The following GRM5 variants were observed in gnomAD, a reference collection of about 807,000 sequenced individuals.
GRM5 encodes the protein metabotropic glutamate receptor 5.
GRM5 carries 19 observed loss-of-function variants against 83.1 expected under a neutral mutation model. The observed-to-expected ratio is 0.23, with a 90% CI of 0.16 to 0.34. The LOEUF is 0.34. Ranked by LOEUF, GRM5 falls within the 10% of genes least tolerant of loss-of-function variation. GRM5 has a pLI of 1.00. For missense variants in GRM5, 1,160 were observed against 1,588.3 expected, an observed-to-expected ratio of 0.73 and a Z score of 4.58; for synonymous variants, 675 against 633.6, an observed-to-expected ratio of 1.07 and a Z score of -0.98.
Position 88,657,259 on chromosome 11 carries a change from C to G in GRM5, c.912-3856G>C, listed in dbSNP as rs546921914. 3.0e-3 allele frequency among the ~76,000 whole-genome samples: 450 copies of G among 152,204 alleles called. 1 individual carries two copies. Among genetic ancestry groups the G allele is most frequent in the Non-Finnish European group, 3.9e-3 (267 of 68,006 alleles). ...TTATTCACTAATTTACTGTTTGCTG[C>G]ATGTTTATAGAACATTACTGTGAAT... On this transcript the variant is annotated intron_variant, in intron 3 of 9. Transcript: ENST00000305447.
At chr11:88,656,919 G>A in intron 3 of GRM5, among the ~76,000 whole-genome samples, 1 of 152,082 alleles carries the variant, frequency 6.6e-6, no homozygotes, top group East Asian at 1.9e-4. Flanking sequence ...AAGCTACCTG[G>A]TATAAGAGAC....
chr11:88,768,424 G>A (rs1224523577), intron 3 of GRM5, among the ~76,000 whole-genome samples: 4 of 151,898 alleles, frequency 2.6e-5, no homozygotes, highest in African/African-American at 9.7e-5. Flanking sequence ...TAGAATGGTG[G>A]TTACCAGACG....
At position 89,064,085 on chromosome 11, in the gene GRM5, T is replaced by A. The variant is rs780381121; in HGVS notation, c.-201+1691A>T. Among the ~76,000 whole-genome samples, 45 of 152,140 alleles carry A rather than the reference T, an allele frequency of 3.0e-4. 1 individual carries two copies. Among genetic ancestry groups the A allele is most frequent in the Admixed American group, 3.3e-4 (5 of 15,280 alleles). ...AGACATCCTTGTCTCAGGGGGAATA[T>A]CCATTATCTTCTTCTTCCTAACCCC... is the stretch of plus-strand genomic sequence containing the variant. On this transcript the variant is annotated intron_variant, in intron 1 of 9. Transcript: ENST00000305447.
At chr11:88,982,823 T>C (rs977995529) in intron 2 of GRM5, among the ~76,000 whole-genome samples, 2 of 152,160 alleles carry the variant, frequency 1.3e-5, no homozygotes, top group Non-Finnish European at 2.9e-5. Flanking sequence ...TCCCAGCATT[T>C]TGGGAGGCCG....
At chr11:89,060,358 A>G (rs1941967023) in intron 1 of GRM5, among the ~76,000 whole-genome samples, 1 of 151,998 alleles carries the variant, frequency 6.6e-6, no homozygotes, top group African/African-American at 2.4e-5. Flanking sequence ...GGGATGGGTT[A>G]TGGCAGTACA....
intron 2 of GRM5, among the ~76,000 whole-genome samples, chr11:88,998,564 C>G (rs1332387901): frequency 1.3e-5 from 2 of 152,098 alleles, no homozygotes; most frequent in Non-Finnish European, 1.5e-5. Context: ...CAAAATAGCA[C>G]TAGATGTTCT....
At chr11:88,829,100 G>T (rs563287927) in intron 3 of GRM5, among the ~76,000 whole-genome samples, 2 of 151,904 alleles carry the variant, frequency 1.3e-5, no homozygotes, top group Admixed American at 6.6e-5. Flanking sequence ...ATTAGTATAC[G>T]AAAACTAAAA....
intron 3 of GRM5, among the ~76,000 whole-genome samples, chr11:88,656,143 T>G (rs1321068571): frequency 2.3e-4 from 6 of 26,378 alleles, no homozygotes; most frequent in Middle Eastern, 0.019. Context: ...TTTAATTTTT[T>G]GGGTGACACG....
chr11:88,618,062 G>A (rs1938531411), intron 4 of GRM5, among the ~76,000 whole-genome samples: 1 of 152,172 alleles, frequency 6.6e-6, no homozygotes, highest in African/African-American at 2.4e-5. Context: ...AATGCCCAGG[G>A]CTAAAGACTG....
At chr11:88,584,086 G>A (rs530738618) in intron 7 of GRM5, among the ~76,000 whole-genome samples, 14 of 151,580 alleles carry the variant, frequency 9.2e-5, no homozygotes, top group African/African-American at 2.4e-4. Flanking sequence ...TTTAAATAGC[G>A]CAAATAGTAT....
intron 3 of GRM5, among the ~76,000 whole-genome samples, chr11:88,801,052 A>G (rs545777217): frequency 5.9e-5 from 9 of 152,250 alleles, no homozygotes; most frequent in African/African-American, 1.9e-4. Context: ...ATCCAAAGTC[A>G]TTGGCTATAT....
At chr11:88,720,358 C>CAATT (rs1200040831) in intron 3 of GRM5, among the ~76,000 whole-genome samples, 2 of 151,964 alleles carry the variant, frequency 1.3e-5, no homozygotes, top group African/African-American at 4.8e-5. Flanking sequence ...CCCTTGCAGA[C>CAATT]AATTAAGTGA....
intron 2 of GRM5, among the ~76,000 whole-genome samples, chr11:88,950,351 A>AGTGTGTGTGT (rs55646353): frequency 7.3e-4 from 108 of 147,490 alleles, no homozygotes; most frequent in Middle Eastern, 3.4e-3. Flanking sequence ...TTGTGAGATA[A>AGTGTGTGTGT]GTGTGTGTGT....
chr11:88,974,640 T>C (rs1939276206), intron 2 of GRM5, among the ~76,000 whole-genome samples: 2 of 152,134 alleles, frequency 1.3e-5, no homozygotes, highest in African/African-American at 4.8e-5. Flanking sequence ...AGGCCATCAT[T>C]TGTGTTTCAG....
At chr11:88,725,737 G>A (rs1177810699) in intron 3 of GRM5, among the ~76,000 whole-genome samples, 2 of 152,124 alleles carry the variant, frequency 1.3e-5, no homozygotes, top group Admixed American at 6.5e-5. Context: ...GTAATACCTA[G>A]GCAAACAGGG....
chr11:88,712,943 A>T (rs1941313876), intron 3 of GRM5, among the ~76,000 whole-genome samples: 1 of 152,036 alleles, frequency 6.6e-6, no homozygotes, highest in Admixed American at 6.6e-5. Flanking sequence ...TATCTTTGAT[A>T]TTCAGTGAGG....
intron 2 of GRM5, among the ~76,000 whole-genome samples, chr11:88,974,517 G>T (rs1166633014): frequency 6.6e-6 from 1 of 152,024 alleles, no homozygotes; most frequent in Non-Finnish European, 1.5e-5. Context: ...AATCATAAAT[G>T]GATGAATTAA....
chr11:89,012,382 C>T (rs531513733), intron 2 of GRM5, among the ~76,000 whole-genome samples: 70 of 152,186 alleles, frequency 4.6e-4, no homozygotes, highest in Non-Finnish European at 8.1e-4. Flanking sequence ...ATCAGAGCAT[C>T]CTGGCCTAAT....
chr11:89,030,794 T>C (rs1463204607), intron 2 of GRM5, among the ~76,000 whole-genome samples: 3 of 152,090 alleles, frequency 2.0e-5, no homozygotes, highest in Admixed American at 1.3e-4. Context: ...TTAAGAACAC[T>C]GAATTATTGG....
Sources: gnomAD v4.1 joint callset for allele counts (sites outside exome capture counted in the v4.1 genomes callset) on GRCh38, gnomAD v4.1.1 for gene constraint, MANE v1.5 for transcripts, NCBI Gene and HGNC (gene_info 2026-07-23, HGNC 2026-07-21) for gene names.